Variants in ACCS observed in about 807,000 individuals in gnomAD.
ACCS encodes the protein 1-aminocyclopropane-1-carboxylate synthase homolog (inactive).
Under a neutral mutation model 59.8 loss-of-function variants are expected in ACCS, and 42 were observed. The observed-to-expected ratio is 0.70, with a 90% CI of 0.55 to 0.91. ACCS has a LOEUF of 0.91. Ranked by LOEUF, ACCS falls within the 40% of genes least tolerant of loss-of-function variation. The probability of loss-of-function intolerance (pLI) is 0.00; values close to 1 mark genes in which losing one functional copy is unlikely to be tolerated. For synonymous variants in ACCS, 230 were observed against 240.3 expected (o/e 0.96, Z 0.40); for missense variants, 602 against 630.4 (o/e 0.95, Z 0.48).
Position 44,077,355 on chromosome 11 carries a change from C to G in ACCS, c.633C>G (p.Ala211=). Residue 211 remains alanine (A), a synonymous_variant, in exon 7 of 15, where the codon GCC becomes GCG. Coordinates refer to ENST00000263776, the MANE Select transcript of ACCS (RefSeq NM_032592.4). ...GTCTCTATGGCAACATCCGGCTGGCCTATGTCTACCTGGACAGTGAGGTAA... is the reference window on the plus strand; with the variant it reads ...GTCTCTATGGCAACATCCGGCTGGCGTATGTCTACCTGGACAGTGAGGTAA... ...HVCLYGNIRL[A]YVYLDSEVTG... The G allele has an allele frequency of 6.2e-7, 1 of 1,614,188 alleles. No individual in the cohort carries two copies. The highest frequency in any genetic ancestry group is 1.1e-5 in the South Asian group (1 of 91,074).
Position 44,079,558 on chromosome 11 carries a change from G to A in ACCS, c.861G>A (p.Glu287=), listed in dbSNP as rs1259130814. 2 of 1,612,042 alleles carry A rather than the reference G, an allele frequency of 1.2e-6. No homozygotes were observed. The highest frequency in any genetic ancestry group is 1.7e-6 in the Non-Finnish European group (2 of 1,179,488). ...ACAGGCTGCATGTGATTGTGGATGAGGTCTACATGCTGTCCGTGTTTGAGA... is the reference window on the plus strand; with the variant it reads ...ACAGGCTGCATGTGATTGTGGATGAAGTCTACATGCTGTCCGTGTTTGAGA... ...KRHRLHVIVD[E]VYMLSVFEKS... The change falls in exon 10 of 15, where the codon GAG becomes GAA. Residue 287 remains glutamate, a synonymous_variant. Transcript: ENST00000263776.
intron 4 of ACCS, among the ~76,000 whole-genome samples, chr11:44,074,411 G>T (rs1008456834): frequency 5.9e-5 from 9 of 152,030 alleles, no homozygotes; most frequent in African/African-American, 2.2e-4. Context: ...ATTAGGTGGG[G>T]TGGGGTGTCC....
chr11:44,072,071 G>C (rs903665786), intron 3 of ACCS: 3 of 152,162 alleles, frequency 2.0e-5, no homozygotes, highest in Non-Finnish European at 4.4e-5. Context: ...TGTAGAGACA[G>C]CAATCCTTAA....
chr11:44,077,388 G>A lies in ACCS; in HGVS notation c.654+12G>A. On this transcript the variant is annotated intron_variant, in intron 7 of 14. Transcript: ENST00000263776. ...ACCTGGACAGTGAGGTAAGAGTCTT[G>A]ACTTCCTAGGTGGAACCTGGGCCTG... The A allele has an allele frequency of 6.2e-7, 1 of 1,613,470 alleles. No homozygotes were observed. The highest frequency in any genetic ancestry group is 8.5e-7 in the Non-Finnish European group (1 of 1,179,688).
At chr11:44,075,461 G>A (rs1420687634) in intron 5 of ACCS, 65 bp from the exon 6 acceptor site, 11 of 1,555,852 alleles carry the variant, frequency 7.1e-6, no homozygotes, top group African/African-American at 1.4e-5. Context: ...TGTCCTGGGA[G>A]GCTGCGGGTC....
In ACCS at chr11:44,083,590, C is replaced by T; in HGVS notation, c.1408+13C>T. On this transcript the variant is annotated intron_variant, in intron 14 of 14. Transcript: ENST00000263776. Reference sequence around the variant, plus strand: ...CGGCTTTGCCTGGGTGAGCAGCCTGCCTTTCCAGCCCAGTCCTAACTGCAG... The same window carrying T: ...CGGCTTTGCCTGGGTGAGCAGCCTGTCTTTCCAGCCCAGTCCTAACTGCAG... 4.3e-6 allele frequency: 7 copies of T among 1,614,224 alleles called. No homozygotes were observed. The highest frequency in any genetic ancestry group is 1.1e-5 in the South Asian group (1 of 91,088).
Position 44,067,769 on chromosome 11 carries a change from C to T in ACCS, c.142C>T (p.Arg48Cys), listed in dbSNP as rs150220771. 144 of 1,614,158 alleles carry T rather than the reference C, an allele frequency of 8.9e-5. 4 individuals carry two copies. The highest frequency in any genetic ancestry group is 7.6e-4 in the South Asian group (69 of 91,070). The change falls in exon 2 of 15, where the codon CGT becomes TGT. Residue 48 changes from arginine (R) to cysteine (C), a missense_variant. By Grantham distance (180) the Arg-to-Cys change is radical. Coordinates refer to ENST00000263776, the MANE Select transcript of ACCS (RefSeq NM_032592.4). ...RKLDQKLPELRGVGDPAMISS... is the reference protein window; with the variant it reads ...RKLDQKLPELCGVGDPAMISS... ...ACTGGACCAGAAGCTGCCAGAGCTC[C>T]GTGGAGTGGGTGATCCTGCCATGAT...
Position 44,076,317 on chromosome 11 carries a change from G to A in ACCS, c.556+725G>A, listed in dbSNP as rs184727381. Reference sequence around the variant, plus strand: ...AATATTAGTAACATTTATTGACCACGTACTGTGTTCCAGGGATTAGCCTAA... The same window carrying A: ...AATATTAGTAACATTTATTGACCACATACTGTGTTCCAGGGATTAGCCTAA... On this transcript the variant is annotated intron_variant, in intron 6 of 14. Coordinates refer to ENST00000263776, the MANE Select transcript of ACCS (RefSeq NM_032592.4). 3.8e-3 allele frequency among the ~76,000 whole-genome samples: 578 copies of A among 152,312 alleles called. 1 individual carries two copies. Among genetic ancestry groups the A allele is most frequent in the Non-Finnish European group, 7.2e-3 (490 of 68,026 alleles).
At position 44,083,471 on chromosome 11, in the gene ACCS, C is replaced by CT; in HGVS notation, c.1307dup (p.Leu436PhefsTer16). The CT allele has an allele frequency of 1.2e-6, 2 of 1,614,232 alleles. No individual in the cohort carries two copies. Among genetic ancestry groups the CT allele is most frequent in the Non-Finnish European group, 1.7e-6 (2 of 1,180,028 alleles). On this transcript the variant is annotated frameshift_variant, in exon 14 of 15. Transcript: ENST00000263776. LOFTEE classifies it high-confidence loss of function. ...AGGAGGAAATGCTGCTCTGGCGCCG[C>CT]TTTTTGGACAACAAGGTGCTGCTGT...
intron 7 of ACCS, 154 bp from the exon 8 acceptor site, chr11:44,077,691 A>G: frequency 6.9e-7 from 1 of 1,454,870 alleles, no homozygotes. Context: ...TTGGGGGTGG[A>G]TGGCAGTAAG....
chr11:44,080,488 G>A (rs1224010438), intron 10 of ACCS: 1 of 153,242 alleles, frequency 6.5e-6, no homozygotes, highest in African/African-American at 2.4e-5. Context: ...AAAAATTATT[G>A]AGCATCGATT....
At chr11:44,071,105 G>A (rs1953028379) in intron 2 of ACCS, 151 bp from the exon 3 acceptor site, 1 of 769,834 alleles carries the variant, frequency 1.3e-6, no homozygotes, top group South Asian at 1.7e-5. Flanking sequence ...CTGAGCAGAA[G>A]GCACACCTTG....
intron 3 of ACCS, chr11:44,072,148 T>TTTTATTTATTTATTTATTTATTTATTTA (rs10523519): frequency 2.2e-4 from 33 of 147,880 alleles, no homozygotes; most frequent in East Asian, 6.0e-4. Context: ...AGGGAATAGA[T>TTTTATTTATTTATTTATTTATTTATTTA]TTTATTTATT....
intron 12 of ACCS, among the ~76,000 whole-genome samples, chr11:44,081,595 A>G (rs1484591974): frequency 6.6e-6 from 1 of 152,254 alleles, no homozygotes; most frequent in African/African-American, 2.4e-5. Flanking sequence ...TATGATTTGT[A>G]ATTCAATTAG....
chr11:44,081,386 G>A, intron 12 of ACCS, 66 bp downstream of exon 12: 1 of 1,592,184 alleles, frequency 6.3e-7, no homozygotes, highest in Non-Finnish European at 8.6e-7. Flanking sequence ...GAACAGCCAG[G>A]AATCATAGAT....
chr11:44,074,788 C>T (rs57686626), intron 5 of ACCS, 107 bp downstream of exon 5: 18,175 of 356,422 alleles, frequency 0.051, 155 homozygotes, highest in South Asian at 0.059. Context: ...CTCTCTCTCT[C>T]TCTTTCTCTC....
intron 3 of ACCS, 40 bp from the exon 4 acceptor site, chr11:44,073,407 G>T (rs1191618304): frequency 6.5e-7 from 1 of 1,550,358 alleles, no homozygotes; most frequent in Non-Finnish European, 8.8e-7. Flanking sequence ...GCTGGTAGCA[G>T]TGCTGGCCCT....
intron 10 of ACCS, among the ~76,000 whole-genome samples, chr11:44,080,122 T>C (rs541730028): frequency 1.0e-3 from 157 of 152,342 alleles, no homozygotes; most frequent in African/African-American, 3.8e-3. Context: ...CACTGGCCCA[T>C]GCCTGTAATC....
rs1449519214 is a variant in ACCS at position 44,083,697 on chromosome 11, A to T, written c.1411A>T (p.Met471Leu). The change falls in exon 15 of 15, where the codon ATG becomes TTG. Residue 471 changes from methionine (M) to leucine (L), a missense_variant and splice_region_variant. Met to Leu is a conservative substitution (Grantham distance 15). Coordinates refer to ENST00000263776, the MANE Select transcript of ACCS (RefSeq NM_032592.4). ...GGCCCCTCACTTCCCCTTCCCAGGG[A>T]TGCAGAGGGTCCAGCAGGTGCTTGC... The part of the protein sequence containing the change: ...SDQVHRLCLG[M>L]QRVQQVLAGK... The T allele has an allele frequency of 6.2e-7, 1 of 1,614,092 alleles. No homozygotes were observed. The highest frequency in any genetic ancestry group is 1.1e-5 in the South Asian group (1 of 91,076).
Sources: gnomAD v4.1 joint callset for allele counts (sites outside exome capture counted in the v4.1 genomes callset) on GRCh38, gnomAD v4.1.1 for gene constraint, MANE v1.5 for transcripts, NCBI Gene and HGNC (gene_info 2026-07-23, HGNC 2026-07-21) for gene names.